MOV10L1: variants seen among roughly 807,000 people sequenced by gnomAD.
The protein encoded by MOV10L1 is RNA helicase Mov10l1.
MOV10L1 carries 110 observed loss-of-function variants against 143.8 expected under a neutral mutation model. The ratio of observed to expected loss-of-function variants is 0.76; its 90% CI spans 0.66 to 0.90. MOV10L1 has a LOEUF of 0.90. MOV10L1 is among the 40% of genes least tolerant of loss of function. The pLI is 0.00. For synonymous variants in MOV10L1, 593 were observed against 581.1 expected (o/e 1.02, Z -0.29); for missense variants, 1,406 against 1,526.8 (o/e 0.92, Z 1.32).
chr22:50,143,224 A>G lies in MOV10L1; in HGVS notation c.2358+3A>G, dbSNP rs768013700. ...CAATAATAGAGGCTGTTTTACAGGT[A>G]AGGACAGCGGCGCCGCGGGTGCTGT... On this transcript the variant is annotated splice_donor_region_variant and intron_variant, in intron 17 of 26. Coordinates refer to ENST00000262794, the MANE Select transcript of MOV10L1 (RefSeq NM_018995.3). 11 of 1,613,774 alleles carry G rather than the reference A, an allele frequency of 6.8e-6. No homozygotes were observed. Among genetic ancestry groups the G allele is most frequent in the Non-Finnish European group, 7.6e-6 (9 of 1,179,962 alleles).
chr22:50,090,133 G>C lies in MOV10L1; in HGVS notation c.45G>C (p.Thr15=). The C allele has an allele frequency of 7.2e-7, 1 of 1,379,770 alleles. No individual in the cohort carries two copies. Among genetic ancestry groups the C allele is most frequent in the South Asian group, 1.8e-5 (1 of 56,276 alleles). 85.5% of individuals were successfully genotyped at this position (1,379,770 alleles called of 1,614,324 possible). ...AGCTGGTGGCCTTCTTCTGGAGGAC[G>C]GCGGACACCCCTAGGGAGGAAGCCG... ...AAKLVAFFWR[T]ADTPREEAGQ... The change falls in exon 1 of 27, where the codon ACG becomes ACC. Residue 15 remains threonine (T), a synonymous_variant. Transcript: ENST00000262794.
At chr22:50,136,854 TA>T (rs1418012620) in intron 15 of MOV10L1, among the ~76,000 whole-genome samples, 1 of 152,078 alleles carries the variant, frequency 6.6e-6, no homozygotes, top group African/African-American at 2.4e-5. Flanking sequence ...GAACAATCCT[TA>T]AAAGTTGACA....
intron 22 of MOV10L1, among the ~76,000 whole-genome samples, chr22:50,153,934 C>T (rs62239290): frequency 0.038 from 5,795 of 152,116 alleles, 162 homozygotes; most frequent in Non-Finnish European, 0.056. Flanking sequence ...ATGCCACGGG[C>T]CCCGGAGGAC....
At chr22:50,132,547 T>C (rs1453386735) in intron 13 of MOV10L1, among the ~76,000 whole-genome samples, 1 of 152,194 alleles carries the variant, frequency 6.6e-6, no homozygotes, top group African/African-American at 2.4e-5. Flanking sequence ...TTATACCTAT[T>C]TAAAATTTTT....
At chr22:50,156,069 T>C (rs1169396703) in intron 22 of MOV10L1, among the ~76,000 whole-genome samples, 1 of 152,112 alleles carries the variant, frequency 6.6e-6, no homozygotes, top group African/African-American at 2.4e-5. Context: ...CATTCATTCA[T>C]TCATTCATAA....
chr22:50,147,258 G>C, intron 19 of MOV10L1: 1 of 541,248 alleles, frequency 1.8e-6, no homozygotes, highest in East Asian at 3.0e-5. Context: ...CTGTGCAGAA[G>C]CAGGGAGGGT....
intron 14 of MOV10L1, among the ~76,000 whole-genome samples, chr22:50,134,281 A>G (rs533864614): frequency 4.1e-4 from 62 of 152,230 alleles, no homozygotes; most frequent in African/African-American, 1.4e-3. Flanking sequence ...CCGAAAATAA[A>G]TTTATCTTGC....
At chr22:50,161,085 C>A in intron 26 of MOV10L1, 30 bp downstream of exon 26, 1 of 1,604,440 alleles carries the variant, frequency 6.2e-7, no homozygotes, top group African/African-American at 1.3e-5. Flanking sequence ...TCCTCAAAGA[C>A]AGGCTGGCTC....
At chr22:50,108,618 A>G (rs370604377) in intron 4 of MOV10L1, 39 bp from the exon 5 acceptor site, 2 of 1,608,548 alleles carry the variant, frequency 1.2e-6, no homozygotes, top group South Asian at 1.1e-5. Flanking sequence ...GTCGTCATGC[A>G]GCATCTGCTT....
chr22:50,118,223 C>CCATTGTTTGAAT (rs138225), intron 9 of MOV10L1, among the ~76,000 whole-genome samples: 69,276 of 151,510 alleles, frequency 0.46, 16,622 homozygotes, highest in Admixed American at 0.54. Context: ...TAAGGTTAGA[C>CCATTGTTTGAAT]CATTGTTTGA....
rs1018303047 is a variant in MOV10L1, at chr22:50,144,254, G to A, written c.2505+11G>A. The stretch of plus-strand genomic sequence containing the variant: ...TGCAGGTTCGAGGAGGTGAGCCCTT[G>A]GTGCAAGCAGTGGGGGGCACCAGAA... On this transcript the variant is annotated intron_variant, in intron 18 of 26. Transcript: ENST00000262794. The A allele has an allele frequency of 1.3e-6, 2 of 1,589,224 alleles. No individual in the cohort carries two copies. The highest frequency in any genetic ancestry group is 2.7e-5 in the African/African-American group (2 of 74,612).
At chr22:50,154,829 G>A (rs1233656147) in intron 22 of MOV10L1, among the ~76,000 whole-genome samples, 1 of 152,162 alleles carries the variant, frequency 6.6e-6, no homozygotes, top group East Asian at 1.9e-4. Flanking sequence ...ACTGTCATGT[G>A]TATTAGTCTT....
intron 13 of MOV10L1, among the ~76,000 whole-genome samples, chr22:50,130,207 G>A (rs2062631266): frequency 6.6e-6 from 1 of 152,062 alleles, no homozygotes; most frequent in Non-Finnish European, 1.5e-5. Flanking sequence ...CCCAGGAGGC[G>A]GAGGTTGCGG....
At chr22:50,142,563 C>CA (rs1270979165) in intron 16 of MOV10L1, among the ~76,000 whole-genome samples, 2 of 152,028 alleles carry the variant, frequency 1.3e-5, no homozygotes, top group African/African-American at 4.8e-5. Context: ...GTGCAGGGCT[C>CA]ACACCTGTCA....
intron 2 of MOV10L1, chr22:50,094,226 C>G (rs1477728888): frequency 6.6e-6 from 1 of 151,940 alleles, no homozygotes; most frequent in Non-Finnish European, 1.5e-5. Context: ...ATATGTCTGT[C>G]CATTTATTTA....
chr22:50,126,442 CTT>C (rs1301304849), intron 12 of MOV10L1, among the ~76,000 whole-genome samples, 170 bp downstream of exon 12: 1 of 152,178 alleles, frequency 6.6e-6, no homozygotes, highest in Non-Finnish European at 1.5e-5. Context: ...ATAAAGGAAA[CTT>C]AATACTATAA....
At chr22:50,141,570 G>C (rs2062989354) in intron 15 of MOV10L1, among the ~76,000 whole-genome samples, 1 of 151,158 alleles carries the variant, frequency 6.6e-6, no homozygotes, top group South Asian at 2.1e-4. Flanking sequence ...AAACTCCTGG[G>C]CTCAAGTGAT....
intron 6 of MOV10L1, 127 bp from the exon 7 acceptor site, chr22:50,114,253 CT>C: frequency 1.7e-6 from 2 of 1,183,758 alleles, no homozygotes; most frequent in Non-Finnish European, 2.3e-6. Flanking sequence ...CAAAAATGAC[CT>C]TTTGACTTAT....
chr22:50,115,008 C>A, intron 7 of MOV10L1, 106 bp from the exon 8 acceptor site: 1 of 1,263,022 alleles, frequency 7.9e-7, no homozygotes, highest in Non-Finnish European at 1.1e-6. Flanking sequence ...TTGTGTGCAT[C>A]TGTCTTTGTG....
Sources: allele counts gnomAD v4.1 joint callset (sites outside exome capture counted in the v4.1 genomes callset), GRCh38; gene constraint gnomAD v4.1.1; transcripts MANE v1.5; gene names NCBI Gene and HGNC (gene_info 2026-07-23, HGNC 2026-07-21).